LARP4B: variants seen among roughly 807,000 people sequenced by gnomAD.
LARP4B encodes La ribonucleoprotein 4B.
LARP4B carries 12 observed loss-of-function variants against 89.8 expected under a neutral mutation model. The ratio of observed to expected loss-of-function variants is 0.13; its 90% CI spans 0.09 to 0.22. The LOEUF is 0.22. LARP4B is among the 10% of genes least tolerant of loss of function. The pLI, the probability that LARP4B is intolerant of heterozygous loss-of-function variation, is 1.00. For missense variants in LARP4B, 757 were observed against 947.7 expected (o/e 0.80, Z 2.64); for synonymous variants, 367 against 363.3 (o/e 1.01, Z -0.12).
chr10:916,786 T>C (rs1016117282), intron 1 of LARP4B, among the ~76,000 whole-genome samples: 8 of 152,310 alleles, frequency 5.3e-5, no homozygotes, highest in Middle Eastern at 3.4e-3. Flanking sequence ...AACCTCAAAC[T>C]CCTGGACCTA....
intron 1 of LARP4B, among the ~76,000 whole-genome samples, chr10:904,931 T>A (rs1053475181): frequency 2.0e-5 from 3 of 152,260 alleles, no homozygotes; most frequent in Non-Finnish European, 4.4e-5. Flanking sequence ...GATGGTGACA[T>A]CTTTGCTTTC....
At chr10:968,136 T>A in the LARP4B span, among the ~76,000 whole-genome samples, 4 of 152,148 alleles carry the variant, frequency 2.6e-5, no homozygotes, top group Non-Finnish European at 2.9e-5. Flanking sequence ...CCACTAAGAT[T>A]CCTTCTGTCT....
the LARP4B span, among the ~76,000 whole-genome samples, chr10:956,491 G>A: frequency 8.6e-5 from 13 of 152,004 alleles, no homozygotes; most frequent in South Asian, 6.2e-4. The surrounding 1 kb of genome is among the most constrained non-coding windows in gnomAD (Gnocchi z 4.3). Context: ...GACTACAGGC[G>A]CCCGCCACCA....
At chr10:988,325 T>TGTGCGACGCGGAAAGCGCC in the LARP4B span, 1 of 651,938 alleles carries the variant, frequency 1.5e-6, no homozygotes. Flanking sequence ...GCGGGTGCGC[T>TGTGCGACGCGGAAAGCGCC]GTGCGACGCG....
chr10:854,720 G>A (rs1385641069), intron 5 of LARP4B, among the ~76,000 whole-genome samples: 1 of 152,030 alleles, frequency 6.6e-6, no homozygotes, highest in East Asian at 1.9e-4. Context: ...ATTCTTATGG[G>A]CCCTAGGATT....
At chr10:901,439 C>A (rs1203208162) in intron 1 of LARP4B, among the ~76,000 whole-genome samples, 3 of 152,170 alleles carry the variant, frequency 2.0e-5, no homozygotes, top group Admixed American at 6.5e-5. Flanking sequence ...CACCTTAGGG[C>A]AGATTATTTT....
chr10:891,010 C>T (rs1176359215), intron 1 of LARP4B, among the ~76,000 whole-genome samples: 2 of 152,054 alleles, frequency 1.3e-5, no homozygotes, highest in Non-Finnish European at 2.9e-5. Context: ...TTTTAAGATT[C>T]TTATGATAGC....
At chr10:964,889 A>G in the LARP4B span, among the ~76,000 whole-genome samples, 1 of 152,150 alleles carries the variant, frequency 6.6e-6, no homozygotes, top group African/African-American at 2.4e-5. Flanking sequence ...TGGACAAGAT[A>G]AACACCTACT....
At chr10:853,638 C>G (rs535187020) in intron 5 of LARP4B, among the ~76,000 whole-genome samples, 4 of 152,350 alleles carry the variant, frequency 2.6e-5, no homozygotes, top group African/African-American at 9.6e-5. Flanking sequence ...GAGCTGTGAT[C>G]ATGCCACTGC....
intron 1 of LARP4B, among the ~76,000 whole-genome samples, chr10:914,267 A>T (rs1392378118): frequency 6.6e-6 from 1 of 152,200 alleles, no homozygotes; most frequent in Non-Finnish European, 1.5e-5. Flanking sequence ...TAGGTATAAG[A>T]AACAATTTTA....
At chr10:833,887 CAAAAAA>C (rs34834355) in intron 8 of LARP4B, among the ~76,000 whole-genome samples, 1 of 75,070 alleles carries the variant, frequency 1.3e-5, no homozygotes. Context: ...GATGCCACCT[CAAAAAA>C]AAAAAAAAAA....
At chr10:893,799 C>T (rs568641254) in intron 1 of LARP4B, among the ~76,000 whole-genome samples, 3 of 152,258 alleles carry the variant, frequency 2.0e-5, no homozygotes, top group Non-Finnish European at 2.9e-5. Flanking sequence ...TAGCCATGCA[C>T]GGAGCCACAT....
At chr10:830,582 A>G (rs1027574893) in intron 9 of LARP4B, among the ~76,000 whole-genome samples, 2 of 152,224 alleles carry the variant, frequency 1.3e-5, no homozygotes, top group Non-Finnish European at 2.9e-5. Flanking sequence ...ACACTTTGCA[A>G]ATAGTAAAAC....
chr10:857,354 C>T (rs1261358309), intron 5 of LARP4B, among the ~76,000 whole-genome samples: 3 of 152,128 alleles, frequency 2.0e-5, no homozygotes, highest in Non-Finnish European at 4.4e-5. Flanking sequence ...ACTACTGTAA[C>T]AGAAATGCAG....
At chr10:900,420 CTTTTTTTTTTTTTT>C (rs529963345) in intron 1 of LARP4B, among the ~76,000 whole-genome samples, 36 of 45,244 alleles carry the variant, frequency 8.0e-4, no homozygotes, top group South Asian at 1.4e-3. Context: ...AGAAGGATGT[CTTTTTTTTTTTTTT>C]TTTTTTTTTT....
intron 1 of LARP4B, among the ~76,000 whole-genome samples, chr10:891,729 T>G (rs1187512769): frequency 6.6e-6 from 1 of 152,244 alleles, no homozygotes; most frequent in African/African-American, 2.4e-5. Flanking sequence ...GCATCCTACC[T>G]ATTAAAAAAA....
chr10:936,500 A>G (rs1470704425), upstream of LARP4B, among the ~76,000 whole-genome samples: 1 of 152,186 alleles, frequency 6.6e-6, no homozygotes, highest in African/African-American at 2.4e-5. Context: ...CGGGTGTATC[A>G]TCTAATGTCA....
chr10:947,825 G>T, the LARP4B span, among the ~76,000 whole-genome samples: 63 of 152,122 alleles, frequency 4.1e-4, no homozygotes, highest in African/African-American at 1.5e-3. Flanking sequence ...GTTTCTCCAT[G>T]TTGGTCAGGC....
chr10:911,919 G>T (rs1182847243), intron 1 of LARP4B, among the ~76,000 whole-genome samples: 1 of 152,200 alleles, frequency 6.6e-6, no homozygotes, highest in Admixed American at 6.6e-5. Flanking sequence ...GTTACTGCAG[G>T]ATGGCTACTG....
Sources: gnomAD v4.1 joint callset for allele counts (sites outside exome capture counted in the v4.1 genomes callset) on GRCh38, gnomAD v4.1.1 for gene constraint, Gnocchi (gnomAD v3.1) non-coding constraint, MANE v1.5 for transcripts, NCBI Gene and HGNC (gene_info 2026-07-23, HGNC 2026-07-21) for gene names.